ERG: variants seen among roughly 807,000 people sequenced by gnomAD.
ERG encodes transcriptional regulator ERG.
A neutral mutation model predicts 55.3 loss-of-function variants in ERG; 9 were observed. The ratio of observed to expected loss-of-function variants is 0.16; its 90% confidence interval spans 0.10 to 0.28. ERG has a LOEUF of 0.28. Ranked by LOEUF, ERG falls within the 10% of genes least tolerant of loss-of-function variation. The probability of loss-of-function intolerance (pLI) is 1.00; values close to 1 mark genes in which losing one functional copy is unlikely to be tolerated. For synonymous variants in ERG, 223 were observed against 237.3 expected, an observed-to-expected ratio of 0.94 and a Z score of 0.55; for missense variants, 434 against 631.6, an observed-to-expected ratio of 0.69 and a Z score of 3.35.
At chr21:38,430,299 G>A (rs1186500968) in intron 2 of ERG, among the ~76,000 whole-genome samples, 6 of 151,954 alleles carry the variant, frequency 3.9e-5, no homozygotes, top group East Asian at 1.9e-4. Context: ...TTGAGTTGTC[G>A]ATTCTGGATA....
intron 2 of ERG, among the ~76,000 whole-genome samples, chr21:38,444,476 C>T (rs1017559713): frequency 5.3e-5 from 8 of 152,062 alleles, no homozygotes; most frequent in East Asian, 3.8e-4. Flanking sequence ...TGCAACATTT[C>T]GAAGAAATAA....
intron 5 of ERG, among the ~76,000 whole-genome samples, chr21:38,401,635 C>G (rs1223916315): frequency 1.3e-5 from 2 of 152,166 alleles, no homozygotes; most frequent in Admixed American, 1.3e-4. Flanking sequence ...CGTGAGTTAA[C>G]TGGCTGACTT....
At chr21:38,618,326 A>C (rs961405206) in intron 1 of ERG, among the ~76,000 whole-genome samples, 11 of 152,224 alleles carry the variant, frequency 7.2e-5, no homozygotes, top group Non-Finnish European at 1.5e-4. Flanking sequence ...GAAAACAGGA[A>C]GATCAGGATC....
At chr21:38,406,563 ACCC>A (rs1988783314) in intron 3 of ERG, among the ~76,000 whole-genome samples, 1 of 152,002 alleles carries the variant, frequency 6.6e-6, no homozygotes, top group African/African-American at 2.4e-5. Flanking sequence ...CCCCCATCCT[ACCC>A]AAGTCATTCC....
intron 2 of ERG, among the ~76,000 whole-genome samples, chr21:38,427,161 T>C (rs947856181): frequency 6.6e-6 from 1 of 152,142 alleles, no homozygotes; most frequent in African/African-American, 2.4e-5. Flanking sequence ...GGCAGGCAGA[T>C]CACTTGAGGC....
intron 1 of ERG, among the ~76,000 whole-genome samples, chr21:38,613,355 AC>A (rs1439534137): frequency 2.0e-5 from 3 of 152,272 alleles, no homozygotes; most frequent in South Asian, 4.1e-4. Context: ...AGACTATGAA[AC>A]CTCTAACACT....
the ERG span, chr21:38,367,521 C>A: frequency 4.5e-6 from 2 of 442,322 alleles, no homozygotes; most frequent in Non-Finnish European, 4.3e-6. Context: ...CATGACATGG[C>A]AGTCTCTTCC....
At position 38,392,454 on chromosome 21, in the gene ERG, C is replaced by T; in HGVS notation, c.746-10G>A. 1 of 1,476,492 alleles carries T rather than the reference C, an allele frequency of 6.8e-7. No homozygotes were observed. The highest frequency in any genetic ancestry group is 1.4e-5 in the South Asian group (1 of 73,068). The allele number at this position is 1,476,492 out of a possible 1,614,324, so 91.5% of individuals were successfully genotyped here. On this transcript the variant is annotated splice_polypyrimidine_tract_variant and intron_variant, in intron 6 of 9. Coordinates refer to ENST00000288319, the MANE Select transcript of ERG (RefSeq NM_182918.4). ...GGCTCATATGGTAAATCTGTAAAGA[C>T]AAATAAATTGACTAAAAGATCAATC...
the ERG span, among the ~76,000 whole-genome samples, chr21:38,368,061 C>A: frequency 6.6e-6 from 1 of 152,078 alleles, no homozygotes; most frequent in African/African-American, 2.4e-5. Flanking sequence ...ATATACAGAA[C>A]AGTGTTTGAA....
intron 1 of ERG, among the ~76,000 whole-genome samples, chr21:38,583,860 A>G (rs2060045457): frequency 6.6e-6 from 1 of 152,188 alleles, no homozygotes; most frequent in African/African-American, 2.4e-5. Flanking sequence ...TTGGGCTGAC[A>G]CCTTGATCTT....
chr21:38,457,933 C>T (rs2059005398), intron 1 of ERG, among the ~76,000 whole-genome samples: 1 of 152,226 alleles, frequency 6.6e-6, no homozygotes, highest in Non-Finnish European at 1.5e-5. Context: ...TTGCTCTCTT[C>T]CACTCTAGCA....
In ERG at chr21:38,435,243, C is replaced by T. The variant is rs200382537; in HGVS notation, c.236+10161G>A. On this transcript the variant is annotated intron_variant, in intron 2 of 9. Coordinates refer to ENST00000288319, the MANE Select transcript of ERG (RefSeq NM_182918.4). The stretch of plus-strand genomic sequence containing the variant: ...CTAAAAGCATATACTTAGTCCTAAT[C>T]GACTGAGCAAGCTCCTAATCAAGTT... Among the ~76,000 whole-genome samples the T allele has an allele frequency of 1.1e-4, 17 of 152,266 alleles. No homozygotes were observed. In the South Asian group the frequency reaches 1.9e-3, roughly 17 times the overall value.
At chr21:38,456,568 T>C (rs1253510206) in intron 1 of ERG, among the ~76,000 whole-genome samples, 1 of 145,364 alleles carries the variant, frequency 6.9e-6, no homozygotes, top group African/African-American at 2.6e-5. Context: ...GGTCCAGGGG[T>C]CTCCTTCTTT....
chr21:38,534,653 C>T (rs919940506), intron 2 of ERG, among the ~76,000 whole-genome samples: 3 of 152,110 alleles, frequency 2.0e-5, no homozygotes, highest in African/African-American at 7.2e-5. Flanking sequence ...CTATGGAAAA[C>T]AGTATGGTGG....
chr21:38,593,349 A>AT (rs1047753379), intron 1 of ERG, among the ~76,000 whole-genome samples: 11 of 152,212 alleles, frequency 7.2e-5, no homozygotes, highest in African/African-American at 1.4e-4. Context: ...TTTACCAGGG[A>AT]TTTTTTCCTT....
chr21:38,596,726 T>C (rs2060133665), intron 1 of ERG, among the ~76,000 whole-genome samples: 1 of 152,236 alleles, frequency 6.6e-6, no homozygotes, highest in African/African-American at 2.4e-5. Context: ...AACGAGTCTC[T>C]GAATTAACCT....
At chr21:38,504,660 G>A (rs570151102) in intron 2 of ERG, among the ~76,000 whole-genome samples, 24 of 152,182 alleles carry the variant, frequency 1.6e-4, no homozygotes, top group African/African-American at 5.8e-4. Context: ...ATGCCCACAG[G>A]GCATATAATT....
At chr21:38,416,296 C>T (rs901419895) in intron 3 of ERG, among the ~76,000 whole-genome samples, 1 of 152,300 alleles carries the variant, frequency 6.6e-6, no homozygotes, top group African/African-American at 2.4e-5. Flanking sequence ...GGAAGACGGT[C>T]GATGGTCAGG....
intron 2 of ERG, among the ~76,000 whole-genome samples, chr21:38,440,893 G>A (rs898556964): frequency 1.3e-5 from 2 of 151,646 alleles, no homozygotes; most frequent in African/African-American, 4.8e-5. Flanking sequence ...CCAACCTCTG[G>A]CTGAGATGAG....
Sources: gnomAD v4.1 joint callset for allele counts (sites outside exome capture counted in the v4.1 genomes callset) on GRCh38, gnomAD v4.1.1 for gene constraint, MANE v1.5 for transcripts, NCBI Gene and HGNC (gene_info 2026-07-23, HGNC 2026-07-21) for gene names.